Variants in ZMYND8 observed in about 807,000 individuals in gnomAD.
ZMYND8 encodes the protein zinc finger MYND-type containing 8, also known as MYND-type zinc finger-containing chromatin reader ZMYND8.
A neutral mutation model predicts 140.8 loss-of-function variants in ZMYND8; 37 were observed. The observed-to-expected ratio is 0.26, with a 90% CI of 0.20 to 0.35. The LOEUF (loss-of-function observed/expected upper bound fraction) is 0.35. ZMYND8 is among the 10% of genes least tolerant of loss of function. The probability of loss-of-function intolerance (pLI) is 1.00; values close to 1 mark genes in which losing one functional copy is unlikely to be tolerated. For synonymous variants in ZMYND8, 592 were observed against 597.1 expected (o/e 0.99, Z 0.12); for missense variants, 1,068 against 1,570.0 (o/e 0.68, Z 5.40).
At chr20:47,330,960 A>C (rs1266366557) in intron 2 of ZMYND8, among the ~76,000 whole-genome samples, 1 of 152,246 alleles carries the variant, frequency 6.6e-6, no homozygotes, top group African/African-American at 2.4e-5. Context: ...GGGAGTAAGG[A>C]GAGGAAGGCA....
chr20:47,337,277 A>G (rs2081460104), intron 2 of ZMYND8, among the ~76,000 whole-genome samples: 1 of 152,174 alleles, frequency 6.6e-6, no homozygotes, highest in Non-Finnish European at 1.5e-5. Flanking sequence ...AATTGAATCC[A>G]GGAGGCGGAG....
intron 2 of ZMYND8, among the ~76,000 whole-genome samples, chr20:47,331,768 G>A (rs1299155005): frequency 6.6e-6 from 1 of 152,186 alleles, no homozygotes; most frequent in Non-Finnish European, 1.5e-5. Context: ...CAGAGACAGC[G>A]CAGCAGATGA....
chr20:47,299,061 C>T, intron 3 of ZMYND8, 114 bp from the exon 4 acceptor site: 1 of 948,000 alleles, frequency 1.1e-6, no homozygotes, highest in Admixed American at 2.2e-5. Context: ...TTCACAAATT[C>T]ATTAAAAAGC....
intron 2 of ZMYND8, chr20:47,320,429 G>C (rs946870633): frequency 3.9e-5 from 6 of 152,504 alleles, no homozygotes; most frequent in African/African-American, 1.4e-4. Flanking sequence ...ACCACGTAAA[G>C]ATGCTGCGGC....
intron 2 of ZMYND8, among the ~76,000 whole-genome samples, chr20:47,315,339 T>C (rs536475339): frequency 1.3e-5 from 2 of 152,236 alleles, no homozygotes; most frequent in East Asian, 3.9e-4. Context: ...CAAACACCAA[T>C]TCCCCCTGGA....
At chr20:47,337,082 T>A (rs1329456470) in intron 2 of ZMYND8, among the ~76,000 whole-genome samples, 1 of 150,852 alleles carries the variant, frequency 6.6e-6, no homozygotes, top group African/African-American at 2.4e-5. Context: ...CCAGGCACGG[T>A]GGCTCACGCC....
chr20:47,249,231 A>C, intron 13 of ZMYND8, 56 bp downstream of exon 13: 1 of 1,582,842 alleles, frequency 6.3e-7, no homozygotes, highest in Non-Finnish European at 8.6e-7. Flanking sequence ...TGGTATCCCT[A>C]CCAGTAATGA....
At chr20:47,271,232 G>T (rs572003966) in intron 11 of ZMYND8, among the ~76,000 whole-genome samples, 2 of 152,152 alleles carry the variant, frequency 1.3e-5, no homozygotes, top group Non-Finnish European at 2.9e-5. Context: ...CCTATTAGCC[G>T]TGTGTAACAC....
At chr20:47,282,335 A>G in intron 9 of ZMYND8, 118 bp from the exon 10 acceptor site, 8 of 803,432 alleles carry the variant, frequency 1.0e-5, no homozygotes, top group Non-Finnish European at 1.6e-5. Flanking sequence ...GTGGAAAAAG[A>G]GTTTCAAGCA....
chr20:47,314,200 C>T (rs746536121), intron 2 of ZMYND8, among the ~76,000 whole-genome samples: 7 of 151,616 alleles, frequency 4.6e-5, no homozygotes, highest in South Asian at 2.1e-4. Flanking sequence ...GATGACGTTA[C>T]GAAAATAAAG....
chr20:47,293,896 G>C (rs546024492), intron 5 of ZMYND8, among the ~76,000 whole-genome samples: 2 of 152,264 alleles, frequency 1.3e-5, no homozygotes, highest in South Asian at 4.1e-4. Context: ...GTGATAGTGA[G>C]TGAGTTCTCA....
At chr20:47,312,909 T>C (rs986561563) in intron 2 of ZMYND8, among the ~76,000 whole-genome samples, 2 of 152,038 alleles carry the variant, frequency 1.3e-5, no homozygotes, top group African/African-American at 4.8e-5. Flanking sequence ...CCTGAAAACT[T>C]TTTCTCCACT....
Position 47,326,303 on chromosome 20 carries a change from C to T in ZMYND8, c.86-16099G>A, listed in dbSNP as rs534457772. Among the ~76,000 whole-genome samples the T allele has an allele frequency of 2.0e-3, 306 of 151,514 alleles. 4 individuals are homozygous for T. The highest frequency in any genetic ancestry group is 2.3e-3 in the Non-Finnish European group (153 of 67,798). On this transcript the variant is annotated intron_variant, in intron 2 of 22. Transcript: ENST00000471951. ...TTTTAGTAGAGATGGGGTTTCACCA[C>T]GTTGCCCAGGCTGGTCTCGAACTCC...
intron 21 of ZMYND8, among the ~76,000 whole-genome samples, chr20:47,219,531 A>T (rs983503927): frequency 6.6e-6 from 1 of 151,616 alleles, no homozygotes; most frequent in East Asian, 1.9e-4. Flanking sequence ...CTCAAAAAAA[A>T]AAAAAAATCA....
In ZMYND8 at chr20:47,236,530, G is replaced by A; in HGVS notation, c.2666-14C>T. On this transcript the variant is annotated splice_polypyrimidine_tract_variant and intron_variant, in intron 15 of 22. Coordinates refer to ENST00000471951, the MANE Select transcript of ZMYND8 (RefSeq NM_001281775.3). ...TCTGCTGGACAGCTAGGAAGGCAAAGCATCCTGATTACCCCACGTGGGAAG... is the reference window on the plus strand; with the variant it reads ...TCTGCTGGACAGCTAGGAAGGCAAAACATCCTGATTACCCCACGTGGGAAG... The A allele has an allele frequency of 2.6e-6, 4 of 1,547,572 alleles. No individual in the cohort carries two copies. The South Asian group carries it at 3.7e-5, about 14-fold the overall frequency.
rs763561100 is a variant in ZMYND8, at chr20:47,246,050, T to C, written c.2242A>G (p.Lys748Glu). 6.2e-7 allele frequency: 1 copy of C among 1,607,096 alleles called. No homozygotes were observed. Among genetic ancestry groups the C allele is most frequent in the South Asian group, 1.1e-5 (1 of 89,474 alleles). Residue 748 changes from lysine to glutamate, a missense_variant, in exon 14 of 23, where the codon AAA (lysine) becomes GAA (glutamate). Transcript: ENST00000471951. ...GGTTCTTTGGGTTCCTTCTTATTTT[T>C]TCGACCCTCCCGCCCAGAATGGTCT... ...GEDHSGREGR[K>E]NKKEPKEPSP...
At chr20:47,224,019 G>A (rs562168332) in intron 19 of ZMYND8, among the ~76,000 whole-genome samples, 3 of 152,174 alleles carry the variant, frequency 2.0e-5, no homozygotes, top group Non-Finnish European at 2.9e-5. Context: ...AAAGCCACAA[G>A]TCCATTACTG....
chr20:47,244,161 C>T (rs2040266153), intron 14 of ZMYND8, among the ~76,000 whole-genome samples: 1 of 152,208 alleles, frequency 6.6e-6, no homozygotes, highest in African/African-American at 2.4e-5. Context: ...TGCTTTAAGC[C>T]ACCAGACAAT....
chr20:47,248,975 G>GAGA (rs3972363), intron 13 of ZMYND8, among the ~76,000 whole-genome samples: 95,480 of 151,654 alleles, frequency 0.63, 30,800 homozygotes, highest in African/African-American at 0.79. Context: ...GATGCGTACT[G>GAGA]AGGAGAGCAG....
Sources: gnomAD v4.1 joint callset for allele counts (sites outside exome capture counted in the v4.1 genomes callset) on GRCh38, gnomAD v4.1.1 for gene constraint, MANE v1.5 for transcripts, NCBI Gene and HGNC (gene_info 2026-07-23, HGNC 2026-07-21) for gene names.